Variants in AQP7B observed in about 807,000 individuals in gnomAD.
The protein encoded by AQP7B is putative aquaporin-7B.
At chr2:94,601,869 G>A in the AQP7B span, among the ~76,000 whole-genome samples, 3 of 152,094 alleles carry the variant, frequency 2.0e-5, no homozygotes, top group Non-Finnish European at 4.4e-5. Context: ...CTGAAGGTAG[G>A]CCCCTTCCCC....
the AQP7B span, chr2:94,604,549 A>G: frequency 6.2e-7 from 1 of 1,606,018 alleles, no homozygotes. Flanking sequence ...CCTTACATGA[A>G]TCCATGGCCC....
the AQP7B span, among the ~76,000 whole-genome samples, chr2:94,599,732 T>C: frequency 6.6e-6 from 1 of 152,102 alleles, no homozygotes; most frequent in Non-Finnish European, 1.5e-5. Context: ...CATACTGAAG[T>C]TTCTCCACTG....
chr2:94,598,263 G>A, the AQP7B span, among the ~76,000 whole-genome samples: 1 of 152,166 alleles, frequency 6.6e-6, no homozygotes, highest in East Asian at 1.9e-4. Context: ...CAGGGTGAAG[G>A]TTTTGCCAAA....
the AQP7B span, among the ~76,000 whole-genome samples, chr2:94,596,992 G>A: frequency 9.2e-5 from 14 of 152,256 alleles, no homozygotes; most frequent in Non-Finnish European, 1.6e-4. Context: ...GAGTCACCTC[G>A]CCTGGCCCAC....
the AQP7B span, among the ~76,000 whole-genome samples, chr2:94,593,515 C>T: frequency 5.2e-5 from 7 of 135,270 alleles, no homozygotes; most frequent in Admixed American, 4.8e-4. Flanking sequence ...GATGGAGTCT[C>T]GCTCTTGTTG....
chr2:94,588,512 A>T, the AQP7B span: 1 of 765,536 alleles, frequency 1.3e-6, no homozygotes, highest in East Asian at 2.7e-5. Flanking sequence ...ACAAATCTGA[A>T]GGACAAAACA....
chr2:94,596,201 C>T, the AQP7B span, among the ~76,000 whole-genome samples: 3 of 152,248 alleles, frequency 2.0e-5, no homozygotes, highest in African/African-American at 7.2e-5. Flanking sequence ...TGCTGGTAAC[C>T]TTGACAAGGG....
chr2:94,588,668 C>T, the AQP7B span: 5 of 752,026 alleles, frequency 6.6e-6, no homozygotes, highest in Admixed American at 2.2e-5. Context: ...TTGACCTCCT[C>T]CTCCCCACCC....
the AQP7B span, chr2:94,602,480 C>T: frequency 3.7e-6 from 6 of 1,601,512 alleles, no homozygotes; most frequent in Non-Finnish European, 5.1e-6. Context: ...CCTTAGAGGC[C>T]CTCCCTTGTA....
chr2:94,602,763 C>T, the AQP7B span: 6 of 906,162 alleles, frequency 6.6e-6, no homozygotes, highest in South Asian at 8.6e-5. Flanking sequence ...GAACCCCGTG[C>T]CTATGACTTG....
chr2:94,604,394 C>T, the AQP7B span: 2 of 1,611,478 alleles, frequency 1.2e-6, no homozygotes, highest in Non-Finnish European at 1.7e-6. Context: ...CCCACGGGAG[C>T]CCCTGAAATT....
At chr2:94,603,491 T>C in the AQP7B span, 3 of 1,609,904 alleles carry the variant, frequency 1.9e-6, no homozygotes, top group South Asian at 1.1e-5. Context: ...TGGCGGGGCT[T>C]CCTGAATGAG....
chr2:94,600,711 C>T, the AQP7B span, among the ~76,000 whole-genome samples: 1 of 152,094 alleles, frequency 6.6e-6, no homozygotes, highest in Non-Finnish European at 1.5e-5. Context: ...AACCCTGTCT[C>T]TACTAAAAAT....
the AQP7B span, among the ~76,000 whole-genome samples, chr2:94,591,801 T>G: frequency 1.3e-5 from 2 of 152,066 alleles, no homozygotes; most frequent in Non-Finnish European, 2.9e-5. Context: ...CCAGCCTTCT[T>G]TTCTTGACCT....
At chr2:94,592,381 T>C in the AQP7B span, among the ~76,000 whole-genome samples, 1 of 152,190 alleles carries the variant, frequency 6.6e-6, no homozygotes, top group Non-Finnish European at 1.5e-5. Context: ...CCCATCCCAG[T>C]CCTTGCTGTA....
chr2:94,591,584 C>A, the AQP7B span, among the ~76,000 whole-genome samples: 1 of 152,154 alleles, frequency 6.6e-6, no homozygotes, highest in Non-Finnish European at 1.5e-5. Flanking sequence ...TGGCCCATGG[C>A]CCTCTGGTAG....
chr2:94,590,191 TTC>T, the AQP7B span, among the ~76,000 whole-genome samples: 6 of 152,166 alleles, frequency 3.9e-5, no homozygotes, highest in Non-Finnish European at 8.8e-5. Flanking sequence ...CAAAAATTTT[TTC>T]TTTTTTTGAG....
chr2:94,600,350 A>T, the AQP7B span, among the ~76,000 whole-genome samples: 1 of 152,218 alleles, frequency 6.6e-6, no homozygotes, highest in South Asian at 2.1e-4. Flanking sequence ...TCCACATTAA[A>T]AAGGTAAAAA....
the AQP7B span, among the ~76,000 whole-genome samples, chr2:94,597,085 G>T: frequency 5.3e-5 from 8 of 152,096 alleles, no homozygotes; most frequent in South Asian, 2.1e-4. Context: ...CCCATGTATT[G>T]CTCCCTTGTT....
Sources: gnomAD v4.1 joint callset for allele counts (sites outside exome capture counted in the v4.1 genomes callset) on GRCh38, gnomAD v4.1.1 for gene constraint, MANE v1.5 for transcripts, NCBI Gene and HGNC (gene_info 2026-07-23, HGNC 2026-07-21) for gene names.